The following DAPK2 variants were observed in gnomAD, a reference collection of about 807,000 sequenced individuals.
The protein encoded by DAPK2 is death-associated protein kinase 2.
In DAPK2, 35 loss-of-function variants were observed where a neutral mutation model predicts 44.1. The ratio of observed to expected loss-of-function variants is 0.79; its 90% confidence interval spans 0.61 to 1.05. The LOEUF (loss-of-function observed/expected upper bound fraction) is 1.05, where lower values mean the gene tolerates loss of function less well. Ranked by LOEUF, DAPK2 falls within the 50% of genes least tolerant of loss-of-function variation. The pLI is 0.00. For synonymous variants in DAPK2, 174 were observed against 182.6 expected (o/e 0.95, Z 0.38); for missense variants, 453 against 483.2 (o/e 0.94, Z 0.59).
At chr15:63,981,655 GT>G (rs371166784) in intron 2 of DAPK2, among the ~76,000 whole-genome samples, 18,721 of 147,128 alleles carry the variant, frequency 0.13, 2,070 homozygotes, top group African/African-American at 0.3. Flanking sequence ...TTCCTGCTTA[GT>G]TTTTTTTTTT....
At chr15:64,003,480 C>T (rs1002411283) in intron 1 of DAPK2, among the ~76,000 whole-genome samples, 2 of 152,242 alleles carry the variant, frequency 1.3e-5, no homozygotes, top group African/African-American at 4.8e-5. Context: ...CAGGATTCGC[C>T]TACTTCTTTG....
intron 4 of DAPK2, among the ~76,000 whole-genome samples, chr15:63,931,328 G>A (rs2079547799): frequency 6.6e-6 from 1 of 152,182 alleles, no homozygotes; most frequent in African/African-American, 2.4e-5. Flanking sequence ...TATCCTGGTA[G>A]AAACCTTTTA....
intron 3 of DAPK2, among the ~76,000 whole-genome samples, chr15:63,951,965 C>A (rs539783420): frequency 1.3e-5 from 2 of 152,310 alleles, no homozygotes; most frequent in Admixed American, 6.5e-5. Flanking sequence ...CAGGGCCAGG[C>A]GTGCTGGCTC....
intron 1 of DAPK2, among the ~76,000 whole-genome samples, chr15:63,984,294 G>C (rs990422341): frequency 6.6e-6 from 1 of 152,216 alleles, no homozygotes; most frequent in Non-Finnish European, 1.5e-5. Flanking sequence ...TCATCGCAGA[G>C]TTAATGGCAA....
At chr15:64,014,864 G>A (rs1172304749) in intron 1 of DAPK2, among the ~76,000 whole-genome samples, 2 of 151,054 alleles carry the variant, frequency 1.3e-5, no homozygotes, top group Non-Finnish European at 2.9e-5. Flanking sequence ...AGGTTGCAGT[G>A]AGCTGAAATC....
intron 2 of DAPK2, among the ~76,000 whole-genome samples, chr15:63,972,568 T>C (rs1167706894): frequency 6.6e-6 from 1 of 152,212 alleles, no homozygotes; most frequent in Non-Finnish European, 1.5e-5. Flanking sequence ...GGCATCCTTG[T>C]TATAAAGTAG....
intron 8 of DAPK2, 55 bp downstream of exon 9, chr15:63,924,761 C>T (rs1281772127): frequency 9.3e-6 from 15 of 1,604,884 alleles, no homozygotes; most frequent in South Asian, 1.1e-5. Context: ...CCAGGCCAAC[C>T]CTGGCGACAG....
chr15:63,989,091 A>G (rs1363715392), intron 1 of DAPK2, among the ~76,000 whole-genome samples: 1 of 151,356 alleles, frequency 6.6e-6, no homozygotes. Context: ...GAGGTATGAA[A>G]ATCACTTGAA....
intron 6 of DAPK2, 153 bp from the exon 8 acceptor site, chr15:63,926,246 T>C (rs1542130): frequency 0.039 from 27,778 of 720,394 alleles, 680 homozygotes; most frequent in South Asian, 0.066. Context: ...ACCAGCAGCC[T>C]GTTCAGCTAA....
intron 2 of DAPK2, among the ~76,000 whole-genome samples, chr15:63,979,165 T>C (rs1342566419): frequency 6.6e-6 from 1 of 152,180 alleles, no homozygotes; most frequent in Admixed American, 6.5e-5. Flanking sequence ...ACAGGGAGAC[T>C]TACATTTTTC....
chr15:63,941,538 G>A (rs543888181), intron 3 of DAPK2, among the ~76,000 whole-genome samples: 1 of 152,252 alleles, frequency 6.6e-6, no homozygotes, highest in South Asian at 2.1e-4. Context: ...CCTTCTCCCA[G>A]GTCCCCCTGG....
chr15:64,018,772 T>G lies in DAPK2; in HGVS notation c.92+21398A>C, dbSNP rs955588755. ...GTCCTCAGTCCTGGATGGAGACGCA[T>G]GTACCTTATTTGTTAGCTCAGGCTC... On this transcript the variant is annotated intron_variant, in intron 1 of 10. Transcript: ENST00000261891. Among the ~76,000 whole-genome samples, 22 of 152,338 alleles carry G rather than the reference T, an allele frequency of 1.4e-4. No individual in the cohort carries two copies. In the South Asian group the frequency reaches 2.5e-3, roughly 17 times the overall value.
chr15:63,996,706 A>C (rs11639443), intron 1 of DAPK2, among the ~76,000 whole-genome samples: 115,795 of 152,136 alleles, frequency 0.76, 45,489 homozygotes, highest in Non-Finnish European at 0.85. Context: ...GCAGAGCACG[A>C]CTTCCAAAAC....
chr15:63,992,948 G>A (rs1420108471), intron 1 of DAPK2, among the ~76,000 whole-genome samples: 1 of 152,236 alleles, frequency 6.6e-6, no homozygotes, highest in Non-Finnish European at 1.5e-5. Flanking sequence ...AGCTTGTGCT[G>A]CCACGCAGGA....
At chr15:63,968,768 G>C (rs1221562704) in intron 3 of DAPK2, among the ~76,000 whole-genome samples, 5 of 152,202 alleles carry the variant, frequency 3.3e-5, no homozygotes, top group African/African-American at 1.2e-4. Context: ...CTCCAAGCCA[G>C]TGCTCTCCCC....
rs1026648571 is a variant in DAPK2, at chr15:63,965,399, G to T, written c.453+6024C>A. On this transcript the variant is annotated intron_variant, in intron 3 of 10. Transcript: ENST00000261891. ...GCCATCACCACTGGGATTGTGCTGG[G>T]TCAGACCTGAAGCCAGCATGGCCCT... Among the ~76,000 whole-genome samples the T allele has an allele frequency of 4.6e-5, 7 of 152,234 alleles. 1 individual carries two copies. Among genetic ancestry groups the T allele is most frequent in the African/African-American group, 1.7e-4 (7 of 41,468 alleles).
In DAPK2 at chr15:63,989,188, CAAAA is replaced by C. The variant is rs55972299; in HGVS notation, c.93-5438_93-5435del. Reference sequence around the variant, plus strand: ...GGGTGACAGGGTGAGACTTTGTCTCCAAAAAAAAAAAAAAAAAAAAAAGCCAGGC... The same window carrying C: ...GGGTGACAGGGTGAGACTTTGTCTCCAAAAAAAAAAAAAAAAAAGCCAGGC... On this transcript the variant is annotated intron_variant, in intron 1 of 10. Coordinates refer to ENST00000261891, the Ensembl canonical transcript of DAPK2. 4.6e-5 allele frequency among the ~76,000 whole-genome samples: 5 copies of C among 109,822 alleles called. No homozygotes were observed. In the East Asian group the frequency reaches 1.5e-3, roughly 34 times the overall value. 72.0% of individuals were successfully genotyped at this position (109,822 alleles called of 152,430 possible).
intron 1 of DAPK2, among the ~76,000 whole-genome samples, chr15:64,022,825 TTGTG>T (rs1384248314): frequency 6.6e-6 from 1 of 152,040 alleles, no homozygotes; most frequent in Non-Finnish European, 1.5e-5. Context: ...TGAAGAATAC[TTGTG>T]TGTGTGTATT....
intron 2 of DAPK2, among the ~76,000 whole-genome samples, chr15:63,972,455 G>T (rs2078239109): frequency 6.6e-6 from 1 of 152,174 alleles, no homozygotes; most frequent in Admixed American, 6.5e-5. Flanking sequence ...TACCTAAGTG[G>T]CCATCAACAA....
Sources: allele counts gnomAD v4.1 joint callset (sites outside exome capture counted in the v4.1 genomes callset), GRCh38; gene constraint gnomAD v4.1.1; transcripts MANE v1.5; gene names NCBI Gene and HGNC (gene_info 2026-07-23, HGNC 2026-07-21).